The following RIT2 variants were observed in gnomAD, a reference collection of about 807,000 sequenced individuals.
The protein encoded by RIT2 is GTP-binding protein Rit2.
RIT2 carries 24 observed loss-of-function variants against 23.7 expected under a neutral mutation model. The ratio of observed to expected loss-of-function variants is 1.01; its 90% confidence interval spans 0.73 to 1.43. RIT2 has a LOEUF of 1.43. Ranked by LOEUF, RIT2 falls within the 40% of genes most tolerant of loss-of-function variation. The pLI, the probability that RIT2 is intolerant of heterozygous loss-of-function variation, is 0.00. For synonymous variants in RIT2, 107 were observed against 91.1 expected, an observed-to-expected ratio of 1.17 and a Z score of -0.99; for missense variants, 236 against 266.9, an observed-to-expected ratio of 0.88 and a Z score of 0.81.
chr18:42,831,248 T>C (rs988011243), intron 4 of RIT2, among the ~76,000 whole-genome samples: 17 of 152,304 alleles, frequency 1.1e-4, no homozygotes, highest in Middle Eastern at 3.4e-3. Context: ...TAAACATCTG[T>C]GCTTAGGATT....
At chr18:42,920,733 C>T (rs981056214) in intron 4 of RIT2, 1 of 1,596,368 alleles carries the variant, frequency 6.3e-7, no homozygotes, top group Non-Finnish European at 8.5e-7. Flanking sequence ...CATCAGAATT[C>T]TTCCCTTCCA....
intron 4 of RIT2, among the ~76,000 whole-genome samples, chr18:42,766,995 C>T (rs1461272770): frequency 6.6e-6 from 1 of 152,154 alleles, no homozygotes; most frequent in African/African-American, 2.4e-5. Flanking sequence ...TATGGAAATG[C>T]CTGGATGCCC....
intron 2 of RIT2, among the ~76,000 whole-genome samples, chr18:42,974,751 TTTC>T (rs1395811980): frequency 6.6e-6 from 1 of 152,056 alleles, no homozygotes; most frequent in Non-Finnish European, 1.5e-5. Context: ...ATAAGATATG[TTTC>T]TATCAACTAA....
chr18:42,822,510 A>G (rs1292540185), intron 4 of RIT2, among the ~76,000 whole-genome samples: 1 of 152,156 alleles, frequency 6.6e-6, no homozygotes, highest in Admixed American at 6.6e-5. Context: ...GGTTGGTTCC[A>G]ATACATTGTT....
intron 1 of RIT2, among the ~76,000 whole-genome samples, chr18:43,054,955 G>A (rs34084749): frequency 0.12 from 18,080 of 152,086 alleles, 1,473 homozygotes; most frequent in Non-Finnish European, 0.18. Context: ...CTACACTTGA[G>A]TTTTCAATTA....
At chr18:42,901,867 C>T (rs1198340693) in intron 4 of RIT2, among the ~76,000 whole-genome samples, 2 of 151,872 alleles carry the variant, frequency 1.3e-5, no homozygotes, top group Non-Finnish European at 1.5e-5. Flanking sequence ...ATCCAAAGCT[C>T]TCTGGAAAAA....
intron 4 of RIT2, among the ~76,000 whole-genome samples, chr18:42,815,937 T>G (rs963675552): frequency 6.6e-6 from 1 of 152,174 alleles, no homozygotes; most frequent in Admixed American, 6.5e-5. Flanking sequence ...CTATACATGT[T>G]GAAAACGTCA....
At chr18:43,107,750 G>A (rs560739852) in intron 1 of RIT2, among the ~76,000 whole-genome samples, 1 of 152,244 alleles carries the variant, frequency 6.6e-6, no homozygotes, top group South Asian at 2.1e-4. Context: ...TTTAGTCAGA[G>A]CTCCTCATGC....
intron 1 of RIT2, among the ~76,000 whole-genome samples, chr18:43,089,569 A>G (rs1355237761): frequency 2.3e-5 from 3 of 130,158 alleles, no homozygotes; most frequent in Non-Finnish European, 4.9e-5. Context: ...AATAGCCAAG[A>G]CAATCCTAAG....
At chr18:42,883,147 C>CGT (rs145773670) in intron 4 of RIT2, among the ~76,000 whole-genome samples, 269 of 151,050 alleles carry the variant, frequency 1.8e-3, no homozygotes, top group African/African-American at 5.8e-3. Context: ...AGTGTGTGTG[C>CGT]GTGTGTGTGT....
chr18:42,873,845 AAT>A (rs1282734606), intron 4 of RIT2, among the ~76,000 whole-genome samples: 2 of 152,172 alleles, frequency 1.3e-5, no homozygotes, highest in Non-Finnish European at 2.9e-5. Context: ...TATCCTTGGA[AAT>A]AGTTTTGAAG....
intron 4 of RIT2, among the ~76,000 whole-genome samples, chr18:42,897,544 A>C (rs954872036): frequency 3.3e-5 from 5 of 152,226 alleles, no homozygotes; most frequent in Non-Finnish European, 4.4e-5. Flanking sequence ...GGGGGCTAAA[A>C]TGTCATACTT....
At chr18:42,906,580 T>A (rs528553755) in intron 4 of RIT2, among the ~76,000 whole-genome samples, 1 of 152,164 alleles carries the variant, frequency 6.6e-6, no homozygotes, top group Non-Finnish European at 1.5e-5. Flanking sequence ...TTTGAAATTA[T>A]TGAATTCTAA....
chr18:42,867,630 TA>T (rs113291312), intron 4 of RIT2, among the ~76,000 whole-genome samples: 26,843 of 142,804 alleles, frequency 0.19, 2,504 homozygotes, highest in East Asian at 0.33. Context: ...TGCCAAAAAT[TA>T]AAAAAAAAAA....
At chr18:43,078,182 T>G (rs971485392) in intron 1 of RIT2, among the ~76,000 whole-genome samples, 5 of 152,296 alleles carry the variant, frequency 3.3e-5, no homozygotes, top group Middle Eastern at 3.4e-3. Context: ...ATTTTCTAAT[T>G]TTAAACTCCC....
intron 1 of RIT2, among the ~76,000 whole-genome samples, chr18:43,061,611 G>A (rs929334462): frequency 2.0e-5 from 3 of 152,050 alleles, no homozygotes; most frequent in East Asian, 1.9e-4. Flanking sequence ...ACTCTTTCTC[G>A]ATTAGTTCCT....
In RIT2 at chr18:42,764,475, A is replaced by G. The variant is rs533790869; in HGVS notation, c.427-20755T>C. Reference sequence around the variant, plus strand: ...CTACGTAAAAGTACTTGCATTTTTTAGAATGTATTATTACCTCTACCTAGA... The same window carrying G: ...CTACGTAAAAGTACTTGCATTTTTTGGAATGTATTATTACCTCTACCTAGA... On this transcript the variant is annotated intron_variant, in intron 4 of 4. Coordinates refer to ENST00000326695, the MANE Select transcript of RIT2 (RefSeq NM_002930.4). Among the ~76,000 whole-genome samples, 4 of 152,282 alleles carry G rather than the reference A, an allele frequency of 2.6e-5. No individual in the cohort carries two copies. In the East Asian group the frequency reaches 5.8e-4, roughly 22 times the overall value.
At chr18:43,103,518 A>C (rs767214163) in intron 1 of RIT2, among the ~76,000 whole-genome samples, 5 of 152,210 alleles carry the variant, frequency 3.3e-5, no homozygotes, top group Non-Finnish European at 7.3e-5. Context: ...TAGTTATTGG[A>C]AGGGATAATA....
At chr18:42,814,092 C>A (rs1175718716) in intron 4 of RIT2, among the ~76,000 whole-genome samples, 2 of 152,176 alleles carry the variant, frequency 1.3e-5, no homozygotes, top group Admixed American at 6.5e-5. Flanking sequence ...CCCTAGCAAA[C>A]CATTTCTGCC....
Sources: allele counts gnomAD v4.1 joint callset (sites outside exome capture counted in the v4.1 genomes callset), GRCh38; gene constraint gnomAD v4.1.1; transcripts MANE v1.5; gene names NCBI Gene and HGNC (gene_info 2026-07-23, HGNC 2026-07-21).